RDX: variants seen among roughly 807,000 people sequenced by gnomAD.
RDX encodes radixin.
A neutral mutation model predicts 83.7 loss-of-function variants in RDX; 32 were observed. The ratio of observed to expected loss-of-function variants is 0.38; its 90% CI spans 0.29 to 0.51. RDX has a LOEUF of 0.51. Among genes scored for constraint, RDX ranks in the 20% least tolerant of loss-of-function variants. The pLI, the probability that RDX is intolerant of heterozygous loss-of-function variation, is 0.87. For missense variants in RDX, 600 were observed against 689.9 expected (o/e 0.87, Z 1.46); for synonymous variants, 229 against 222.7 (o/e 1.03, Z -0.25).
At chr11:110,243,760 C>T (rs183668815) in intron 10 of RDX, among the ~76,000 whole-genome samples, 1 of 151,978 alleles carries the variant, frequency 6.6e-6, no homozygotes, top group East Asian at 1.9e-4. Context: ...CCAAAAAGCA[C>T]ATAGAAAGAC....
intron 2 of RDX, among the ~76,000 whole-genome samples, chr11:110,277,258 A>G (rs1860556233): frequency 1.4e-5 from 2 of 146,250 alleles, no homozygotes; most frequent in Admixed American, 1.3e-4. Flanking sequence ...AATACAATAA[A>G]GTCGCAGCTG....
intron 3 of RDX, among the ~76,000 whole-genome samples, chr11:110,265,113 T>TG (rs1555044195): frequency 8.5e-6 from 1 of 117,796 alleles, no homozygotes; most frequent in Non-Finnish European, 1.9e-5. Context: ...TTTTTTGTTT[T>TG]TTTTTTTTTT....
chr11:110,253,844 T>C (rs1225976104), intron 9 of RDX, 102 bp downstream of exon 9: 2 of 944,790 alleles, frequency 2.1e-6, no homozygotes, highest in Non-Finnish European at 3.3e-6. Context: ...AATGAAAATA[T>C]TAATAAATAC....
At chr11:110,204,422 AGGAAGACT>A (rs1346617884) in intron 14 of RDX, among the ~76,000 whole-genome samples, 1 of 152,068 alleles carries the variant, frequency 6.6e-6, no homozygotes, top group African/African-American at 2.4e-5. Flanking sequence ...AATGGCATCA[AGGAAGACT>A]TGGTGGAAAG....
intron 11 of RDX, among the ~76,000 whole-genome samples, chr11:110,237,254 G>A (rs1014705991): frequency 1.3e-5 from 2 of 151,918 alleles, no homozygotes; most frequent in Admixed American, 6.6e-5. Flanking sequence ...TTTGCTGACA[G>A]TAGACTCCAT....
chr11:110,209,969 CG>C (rs1863771692), intron 14 of RDX, among the ~76,000 whole-genome samples: 1 of 146,360 alleles, frequency 6.8e-6, no homozygotes, highest in African/African-American at 2.5e-5. Flanking sequence ...TCACCAGCAA[CG>C]GAACAAAGCT....
At chr11:110,229,287 C>G (rs1007902128), downstream of RDX, among the ~76,000 whole-genome samples, 13 of 151,822 alleles carry the variant, frequency 8.6e-5, no homozygotes, top group African/African-American at 2.9e-4. Flanking sequence ...ACTTCCATAC[C>G]AAAGAGGTAT....
At chr11:110,291,778 G>C (rs1253852813) in intron 1 of RDX, among the ~76,000 whole-genome samples, 2 of 152,134 alleles carry the variant, frequency 1.3e-5, no homozygotes, top group African/African-American at 4.8e-5. Context: ...GAAAGAGAAG[G>C]AGTCCTTGAT....
chr11:110,192,408 A>G (rs947360619), intron 15 of RDX, among the ~76,000 whole-genome samples: 1 of 152,250 alleles, frequency 6.6e-6, no homozygotes, highest in Non-Finnish European at 1.5e-5. Flanking sequence ...AAAGATTTAA[A>G]TGTAAGACCT....
In RDX at chr11:110,201,208, T is replaced by C. The variant is rs140440733; in HGVS notation, c.1749-1530A>G. ...AAAAAAAAAAAAAAAAGAAATGTCA[T>C]TTCAAAATGTATAGCTGTAGTTTTT... On this transcript the variant is annotated intron_variant, in intron 14 of 15. Transcript: ENST00000528498. 3.1e-3 allele frequency among the ~76,000 whole-genome samples: 466 copies of C among 151,048 alleles called. 11 individuals carry two copies. Among genetic ancestry groups the C allele is most frequent in the Admixed American group, 0.025 (379 of 15,112 alleles).
At chr11:110,204,319 G>A (rs1863523610) in intron 14 of RDX, among the ~76,000 whole-genome samples, 1 of 149,536 alleles carries the variant, frequency 6.7e-6, no homozygotes, top group Non-Finnish European at 1.5e-5. Flanking sequence ...GTTTTCAAAT[G>A]TAACTCTGAA....
At chr11:110,215,380 ATAAAT>A (rs1864008905) in intron 14 of RDX, among the ~76,000 whole-genome samples, 1 of 146,444 alleles carries the variant, frequency 6.8e-6, no homozygotes, top group African/African-American at 2.5e-5. Context: ...AAATAAATAA[ATAAAT>A]AAATAAATAA....
intron 1 of RDX, among the ~76,000 whole-genome samples, chr11:110,286,662 G>A (rs79431381): frequency 0.012 from 1,843 of 151,996 alleles, 35 homozygotes; most frequent in African/African-American, 0.041. Flanking sequence ...CTGCCTTTTC[G>A]GACTTAGAAA....
rs28410674 is a variant in RDX, at chr11:110,215,053, T to A, written c.1749-15375A>T. Among the ~76,000 whole-genome samples, 917 of 107,792 alleles carry A rather than the reference T, an allele frequency of 8.5e-3. 12 individuals are homozygous for A. Among genetic ancestry groups the A allele is most frequent in the African/African-American group, 0.024 (733 of 30,486 alleles). The allele number at this position is 107,792 out of a possible 152,430, so 70.7% of individuals were successfully genotyped here. A position where few individuals can be genotyped will look rare whatever the true frequency, so the allele number is the denominator to read the frequency against. ...AGACCTAACAAAAAAAAAAAAAATA[T>A]ATATATATATATATATAATGCTTTC... is the stretch of plus-strand genomic sequence containing the variant. On this transcript the variant is annotated intron_variant, in intron 14 of 15. Coordinates refer to the RDX transcript ENST00000528498.
chr11:110,179,890 C>CT (rs199908880), intron 15 of RDX: 399 of 412,154 alleles, frequency 9.7e-4, no homozygotes, highest in South Asian at 5.5e-3. Context: ...TTTTCTTTTT[C>CT]TTTTTCTTTT....
intron 5 of RDX, among the ~76,000 whole-genome samples, chr11:110,262,701 G>A (rs895724214): frequency 6.6e-5 from 10 of 152,086 alleles, no homozygotes; most frequent in East Asian, 1.9e-4. Flanking sequence ...AAATCATATA[G>A]TTCATTAATT....
chr11:110,249,081 C>G (rs1249869187), intron 9 of RDX, among the ~76,000 whole-genome samples: 1 of 152,110 alleles, frequency 6.6e-6, no homozygotes, highest in Non-Finnish European at 1.5e-5. Flanking sequence ...TACCATGGGT[C>G]AGAATCTATG....
At chr11:110,238,705 T>G (rs527522101) in intron 10 of RDX, among the ~76,000 whole-genome samples, 7 of 151,576 alleles carry the variant, frequency 4.6e-5, no homozygotes, top group Non-Finnish European at 8.8e-5. Context: ...GGGTGGATCA[T>G]TTGAGGTCAG....
intron 2 of RDX, among the ~76,000 whole-genome samples, chr11:110,277,060 T>A (rs1387797914): frequency 6.6e-6 from 1 of 152,226 alleles, no homozygotes; most frequent in Non-Finnish European, 1.5e-5. Flanking sequence ...GAAACTTATC[T>A]AGCTTCAAGA....
Sources: gnomAD v4.1 joint callset for allele counts (sites outside exome capture counted in the v4.1 genomes callset) on GRCh38, gnomAD v4.1.1 for gene constraint, MANE v1.5 for transcripts, NCBI Gene and HGNC (gene_info 2026-07-23, HGNC 2026-07-21) for gene names.